The following PXDNL variants were observed in gnomAD, a reference collection of about 807,000 sequenced individuals.
PXDNL encodes the protein probable oxidoreductase PXDNL.
PXDNL carries 145 observed loss-of-function variants against 150.8 expected under a neutral mutation model. The observed-to-expected ratio is 0.96, with a 90% CI of 0.84 to 1.10. PXDNL has a LOEUF of 1.10. PXDNL is among the 50% of genes least tolerant of loss of function. The pLI is 0.00. For synonymous variants in PXDNL, 757 were observed against 725.7 expected, an observed-to-expected ratio of 1.04 and a Z score of -0.69; for missense variants, 2,087 against 1,873.9, an observed-to-expected ratio of 1.11 and a Z score of -2.10.
chr8:51,495,458 C>CA (rs540065366), intron 5 of PXDNL, among the ~76,000 whole-genome samples: 1 of 151,922 alleles, frequency 6.6e-6, no homozygotes, highest in African/African-American at 2.4e-5. Context: ...AATAGAGACA[C>CA]AAAAAACCCT....
chr8:51,446,033 C>T (rs1178593847), intron 12 of PXDNL, among the ~76,000 whole-genome samples: 2 of 150,768 alleles, frequency 1.3e-5, no homozygotes, highest in African/African-American at 4.9e-5. Context: ...GGAACCTCAA[C>T]TTCTTTTTTA....
At chr8:51,758,158 A>T (rs1307835442) in intron 1 of PXDNL, among the ~76,000 whole-genome samples, 3 of 152,198 alleles carry the variant, frequency 2.0e-5, no homozygotes, top group Admixed American at 2.0e-4. Flanking sequence ...ATATTTTTAC[A>T]AAAGTAAAGC....
At chr8:51,337,473 G>C (rs921534424) in intron 21 of PXDNL, among the ~76,000 whole-genome samples, 1 of 152,168 alleles carries the variant, frequency 6.6e-6, no homozygotes, top group East Asian at 1.9e-4. Context: ...GATGAAATAG[G>C]GTTTCCGGAC....
chr8:51,331,563 G>A (rs2130644859), intron 21 of PXDNL, among the ~76,000 whole-genome samples: 1 of 152,234 alleles, frequency 6.6e-6, no homozygotes, highest in South Asian at 2.1e-4. Flanking sequence ...TTTCGTAGCT[G>A]GGAGGCAGAA....
intron 12 of PXDNL, among the ~76,000 whole-genome samples, chr8:51,440,053 GTA>G (rs1212544853): frequency 2.0e-5 from 3 of 149,144 alleles, no homozygotes; most frequent in Admixed American, 2.0e-4. Context: ...ATATATATAT[GTA>G]TATATACACA....
At chr8:51,724,807 T>C (rs1163388504) in intron 1 of PXDNL, among the ~76,000 whole-genome samples, 6 of 152,142 alleles carry the variant, frequency 3.9e-5, no homozygotes, top group Non-Finnish European at 8.8e-5. Flanking sequence ...GCCCTGTCCT[T>C]GTGAGTGCCA....
intron 4 of PXDNL, among the ~76,000 whole-genome samples, chr8:51,537,512 C>T (rs144132540): frequency 1.3e-5 from 2 of 152,108 alleles, no homozygotes; most frequent in African/African-American, 4.8e-5. Context: ...GACATGAGTC[C>T]CCTAACTCCC....
intron 5 of PXDNL, among the ~76,000 whole-genome samples, chr8:51,497,920 C>T (rs992787890): frequency 6.6e-6 from 1 of 152,150 alleles, no homozygotes; most frequent in Non-Finnish European, 1.5e-5. Flanking sequence ...ACCCAGCCAT[C>T]CCATTACTGG....
At chr8:51,486,780 ATATATATATATATATTTTTTTTTTTT>A (rs1174804617) in intron 5 of PXDNL, among the ~76,000 whole-genome samples, 3 of 17,798 alleles carry the variant, frequency 1.7e-4, no homozygotes, top group Non-Finnish European at 2.9e-4. Context: ...ATATATATAT[ATATATATATATATATTTTTTTTTTTT>A]TTTTTTTTTT....
At chr8:51,804,688 C>G (rs1180821019) in intron 1 of PXDNL, among the ~76,000 whole-genome samples, 2 of 152,124 alleles carry the variant, frequency 1.3e-5, no homozygotes, top group African/African-American at 4.8e-5. Context: ...CCCTTCACTT[C>G]ATTTATAGAA....
chr8:51,372,795 A>G (rs934039415), intron 18 of PXDNL, among the ~76,000 whole-genome samples: 1 of 152,260 alleles, frequency 6.6e-6, no homozygotes, highest in Non-Finnish European at 1.5e-5. Flanking sequence ...AATATATACT[A>G]TTTGGTTATA....
intron 21 of PXDNL, among the ~76,000 whole-genome samples, chr8:51,321,809 A>AAG (rs1805324660): frequency 6.6e-6 from 1 of 152,150 alleles, no homozygotes. Flanking sequence ...CAGTGTGAGA[A>AAG]TGAACTAACA....
chr8:51,692,795 A>G (rs1174748685), intron 1 of PXDNL, among the ~76,000 whole-genome samples: 1 of 152,200 alleles, frequency 6.6e-6, no homozygotes, highest in Non-Finnish European at 1.5e-5. Context: ...CACTGAAAAT[A>G]CTCTTTGCTT....
Position 51,429,354 on chromosome 8 carries a change from C to T in PXDNL, c.1526-2596G>A, listed in dbSNP as rs556652129. ...CAGCACTTTGTGAGGCCGAGGTTGA[C>T]GGATCACCTGAGGTCAAGAGTTTGA... On this transcript the variant is annotated intron_variant, in intron 12 of 22. Transcript: ENST00000356297. Among the ~76,000 whole-genome samples the T allele has an allele frequency of 7.2e-5, 11 of 152,208 alleles. No individual in the cohort carries two copies. In the South Asian group the frequency reaches 1.7e-3, roughly 23 times the overall value.
At chr8:51,352,408 T>A (rs1406941445) in intron 19 of PXDNL, among the ~76,000 whole-genome samples, 1 of 152,118 alleles carries the variant, frequency 6.6e-6, no homozygotes, top group Non-Finnish European at 1.5e-5. Context: ...TGGCTGTGTG[T>A]CCCCATTCAA....
chr8:51,771,775 TGG>T (rs2037297848), intron 1 of PXDNL, among the ~76,000 whole-genome samples: 1 of 152,094 alleles, frequency 6.6e-6, no homozygotes, highest in Non-Finnish European at 1.5e-5. Context: ...CTCTTCTACC[TGG>T]AAGCAGCTAA....
At chr8:51,717,579 A>C (rs1379479998) in intron 1 of PXDNL, among the ~76,000 whole-genome samples, 1 of 152,246 alleles carries the variant, frequency 6.6e-6, no homozygotes, top group Non-Finnish European at 1.5e-5. Flanking sequence ...GCCCCACAGC[A>C]GAAAATGAAA....
At chr8:51,426,873 T>C in intron 12 of PXDNL, 115 bp from the exon 13 acceptor site, 1 of 608,588 alleles carries the variant, frequency 1.6e-6, no homozygotes, top group South Asian at 2.1e-5. Flanking sequence ...CACTAGTTTT[T>C]TAAAAATCAA....
At chr8:51,642,148 T>C (rs1585642128) in intron 2 of PXDNL, among the ~76,000 whole-genome samples, 3 of 149,190 alleles carry the variant, frequency 2.0e-5, no homozygotes, top group African/African-American at 7.3e-5. Flanking sequence ...TAGGTGGGAA[T>C]TGAACAATGA....
Sources: gnomAD v4.1 joint callset for allele counts (sites outside exome capture counted in the v4.1 genomes callset) on GRCh38, gnomAD v4.1.1 for gene constraint, MANE v1.5 for transcripts, NCBI Gene and HGNC (gene_info 2026-07-23, HGNC 2026-07-21) for gene names.